Variants in RBMS1 observed in about 807,000 individuals in gnomAD.
RBMS1 encodes the protein RNA binding motif single stranded interacting protein 1, also known as RNA-binding motif, single-stranded-interacting protein 1.
In RBMS1, 17 loss-of-function variants were observed where a neutral mutation model predicts 62.3. That is an observed-to-expected ratio of 0.27 (90% confidence interval 0.19 to 0.41). The LOEUF is 0.41. Among genes scored for constraint, RBMS1 ranks in the 10% least tolerant of loss-of-function variants. RBMS1 has a pLI of 1.00. For synonymous variants in RBMS1, 172 were observed against 170.0 expected, an observed-to-expected ratio of 1.01 and a Z score of -0.09; for missense variants, 334 against 504.5, an observed-to-expected ratio of 0.66 and a Z score of 3.24.
chr2:160,342,769 C>CAAAAAAAAAAAAAAAAAAAA, intron 2 of RBMS1, among the ~76,000 whole-genome samples: 1 of 117,344 alleles, frequency 8.5e-6, no homozygotes, highest in South Asian at 2.9e-4. Flanking sequence ...ATACAAAATA[C>CAAAAAAAAAAAAAAAAAAAA]AAAAAAAAAA....
chr2:160,275,328 T>G, intron 13 of RBMS1: 1 of 207,932 alleles, frequency 4.8e-6, no homozygotes, highest in Non-Finnish European at 9.5e-6. Context: ...TATAGGATAC[T>G]TGTATTATAG....
chr2:160,407,070 G>A lies in RBMS1; in HGVS notation c.76-39679C>T, dbSNP rs993775071. On this transcript the variant is annotated intron_variant, in intron 1 of 13. Transcript: ENST00000348849. ...GACACACGTCTTCCGGGTTTCCTAC[G>A]AATCAGACAGGTTCTCTGAGGTTCC... 2.0e-5 allele frequency among the ~76,000 whole-genome samples: 3 copies of A among 152,030 alleles called. No homozygotes were observed. In the South Asian group the frequency reaches 6.2e-4, roughly 32 times the overall value.
Position 160,481,391 on chromosome 2 carries a change from A to C in RBMS1, c.75+11898T>G, listed in dbSNP as rs1364504505. Among the ~76,000 whole-genome samples the C allele has an allele frequency of 2.0e-5, 3 of 151,876 alleles. 1 individual carries two copies. Among genetic ancestry groups the C allele is most frequent in the Non-Finnish European group, 4.4e-5 (3 of 67,974 alleles). On this transcript the variant is annotated intron_variant, in intron 1 of 13. Coordinates refer to ENST00000348849, the MANE Select transcript of RBMS1 (RefSeq NM_016836.4). ...AAAAAGAAAAAAATTCACAATCTTA[A>C]AGTAAGCAGATTTCTTAAACAGACA...
At chr2:160,278,311 G>C (rs1006994127) in intron 11 of RBMS1, 1 of 543,512 alleles carries the variant, frequency 1.8e-6, no homozygotes, top group Non-Finnish European at 3.3e-6. Context: ...GCTAGATGTG[G>C]TCACGTGTGG....
At chr2:160,450,351 A>G (rs1457481178) in intron 1 of RBMS1, among the ~76,000 whole-genome samples, 3 of 151,922 alleles carry the variant, frequency 2.0e-5, no homozygotes, top group Non-Finnish European at 4.4e-5. Flanking sequence ...GACCAGCTTG[A>G]CCAACATGGT....
intron 1 of RBMS1, among the ~76,000 whole-genome samples, chr2:160,405,750 C>G (rs976988107): frequency 1.4e-4 from 22 of 152,278 alleles, no homozygotes; most frequent in Middle Eastern, 3.4e-3. Context: ...CAGGCTACCC[C>G]CCTTCACACA....
At chr2:160,485,267 C>T (rs1159100141) in intron 1 of RBMS1, among the ~76,000 whole-genome samples, 4 of 152,148 alleles carry the variant, frequency 2.6e-5, no homozygotes, top group Admixed American at 2.6e-4. Flanking sequence ...TCACAAGCTG[C>T]ACCTCCCATC....
intron 1 of RBMS1, among the ~76,000 whole-genome samples, chr2:160,422,632 C>T (rs1382978084): frequency 6.6e-6 from 1 of 151,278 alleles, no homozygotes; most frequent in African/African-American, 2.4e-5. Context: ...CCTCACAGCT[C>T]CCCCCGCCCC....
chr2:160,378,360 T>C (rs1021030710), intron 1 of RBMS1, among the ~76,000 whole-genome samples: 1 of 151,934 alleles, frequency 6.6e-6, no homozygotes, highest in African/African-American at 2.4e-5. Context: ...CACGCCTGCA[T>C]CCCAACACTT....
At chr2:160,383,031 T>C (rs942960436) in intron 1 of RBMS1, among the ~76,000 whole-genome samples, 2 of 152,166 alleles carry the variant, frequency 1.3e-5, no homozygotes, top group African/African-American at 2.4e-5. Context: ...AAATTTAAGA[T>C]GAAATATCAA....
intron 7 of RBMS1, among the ~76,000 whole-genome samples, chr2:160,286,447 G>A (rs1369656800): frequency 2.6e-5 from 4 of 151,550 alleles, no homozygotes; most frequent in Non-Finnish European, 2.9e-5. Flanking sequence ...AGCCTCCCAG[G>A]TAGCTGGGAT....
chr2:160,360,431 T>C (rs1335414094), intron 2 of RBMS1, among the ~76,000 whole-genome samples: 1 of 152,200 alleles, frequency 6.6e-6, no homozygotes, highest in Non-Finnish European at 1.5e-5. Context: ...TAACTTTTTC[T>C]CTGTAACTAA....
At chr2:160,461,277 GAGAAAGAA>G (rs927659417) in intron 1 of RBMS1, among the ~76,000 whole-genome samples, 8 of 152,074 alleles carry the variant, frequency 5.3e-5, no homozygotes, top group African/African-American at 1.2e-4. Context: ...GAGAGAGGGA[GAGAAAGAA>G]AGAGAGAAAG....
intron 12 of RBMS1, among the ~76,000 whole-genome samples, chr2:160,276,278 G>GA (rs1687826306): frequency 1.3e-5 from 2 of 152,142 alleles, no homozygotes; most frequent in South Asian, 4.1e-4. Context: ...TGCAGGTAAG[G>GA]AATTGTAGGC....
intron 1 of RBMS1, among the ~76,000 whole-genome samples, chr2:160,411,436 C>A (rs1284392621): frequency 6.6e-6 from 1 of 152,142 alleles, no homozygotes; most frequent in Non-Finnish European, 1.5e-5. Flanking sequence ...AGCATTTGGC[C>A]ATGAAATGAT....
intron 1 of RBMS1, among the ~76,000 whole-genome samples, chr2:160,425,937 A>G (rs1180088639): frequency 2.0e-5 from 3 of 152,114 alleles, no homozygotes; most frequent in African/African-American, 7.2e-5. Flanking sequence ...GTATCCTGCT[A>G]AACAAGCACT....
chr2:160,307,447 G>GA (rs908505591), intron 4 of RBMS1, among the ~76,000 whole-genome samples: 4 of 151,534 alleles, frequency 2.6e-5, no homozygotes, highest in African/African-American at 7.3e-5. Context: ...GCCATAGGAG[G>GA]AAATGAAAGG....
At chr2:160,469,739 A>G (rs763075528) in intron 1 of RBMS1, among the ~76,000 whole-genome samples, 45 of 152,258 alleles carry the variant, frequency 3.0e-4, no homozygotes, top group Non-Finnish European at 5.0e-4. Flanking sequence ...AAGAGCTGTC[A>G]TGAGATAACA....
chr2:160,284,597 TC>T (rs1688267084), intron 9 of RBMS1, 177 bp downstream of exon 9: 1 of 605,226 alleles, frequency 1.7e-6, no homozygotes, highest in East Asian at 2.8e-5. Context: ...CTTTACATTC[TC>T]CTATACATAA....
Sources: gnomAD v4.1 joint callset for allele counts (sites outside exome capture counted in the v4.1 genomes callset) on GRCh38, gnomAD v4.1.1 for gene constraint, MANE v1.5 for transcripts, NCBI Gene and HGNC (gene_info 2026-07-23, HGNC 2026-07-21) for gene names.